SPRY4: variants seen among roughly 807,000 people sequenced by gnomAD.
The protein encoded by SPRY4 is sprouty RTK signaling antagonist 4, also known as protein sprouty homolog 4.
SPRY4 carries 7 observed loss-of-function variants against 17.0 expected under a neutral mutation model. That is an observed-to-expected ratio of 0.41 (90% confidence interval 0.23 to 0.77). The LOEUF is 0.77. Ranked by LOEUF, SPRY4 falls within the 30% of genes least tolerant of loss-of-function variation. SPRY4 has a pLI of 0.32. For missense variants in SPRY4, 435 were observed against 419.9 expected, an observed-to-expected ratio of 1.04 and a Z score of -0.31; for synonymous variants, 183 against 174.1, an observed-to-expected ratio of 1.05 and a Z score of -0.40.
chr5:142,314,148 T>C lies in SPRY4; in HGVS notation c.*61A>G. The C allele has an allele frequency of 6.6e-7, 1 of 1,524,838 alleles. No homozygotes were observed. Among genetic ancestry groups the C allele is most frequent in the Non-Finnish European group, 8.8e-7 (1 of 1,135,070 alleles). The allele number at this position is 1,524,838 out of a possible 1,614,324, so 94.5% of individuals were successfully genotyped here. On this transcript the variant is annotated 3_prime_UTR_variant, in exon 2 of 2. Transcript: ENST00000434127. The surrounding 1 kb of genome is among the most constrained non-coding windows in gnomAD (Gnocchi z 4.8). ...AAAACCTCTGACCTTGCTGCAGTCT[T>C]CTTAGATGTCAGAAGAGAACCAGGT...
intron 1 of SPRY4, chr5:142,318,032 G>C (rs1245076035): frequency 1.0e-6 from 1 of 985,188 alleles, no homozygotes; most frequent in African/African-American, 1.7e-5. Context: ...AACCAAATCA[G>C]AGTTCCACTG....
chr5:142,314,569 C>G lies in SPRY4; in HGVS notation c.540G>C (p.Trp180Cys). The G allele has an allele frequency of 6.2e-7, 1 of 1,614,232 alleles. No homozygotes were observed. Among genetic ancestry groups the G allele is most frequent in the Non-Finnish European group, 8.5e-7 (1 of 1,180,036 alleles). The change falls in exon 2 of 2, where the codon TGG (tryptophan) becomes TGC (cysteine). Residue 180 changes from tryptophan (W) to cysteine (C), a missense_variant. Coordinates refer to ENST00000434127, the MANE Select transcript of SPRY4 (RefSeq NM_001127496.3). This position sits in a 1 kb window ranked among gnomAD's most constrained non-coding sequence, Gnocchi z 4.8. The stretch of plus-strand genomic sequence containing the variant: ...AGCACAGGCACTCCTGGTTGCAGAC[C>G]CAGCAGGAAGGCAACGTCCGGGGGG... ...CASPRTLPSC[W>C]VCNQECLCSA...
chr5:142,315,122 C>T lies in SPRY4; in HGVS notation c.-14G>A. ...CGGGGGCTCCATGGGGCTGGAGGTC[C>T]TGGACTGTACGGAGAAACAGGCTTC... On this transcript the variant is annotated 5_prime_UTR_variant, in exon 2 of 2. Coordinates refer to ENST00000434127, the MANE Select transcript of SPRY4 (RefSeq NM_001127496.3). The T allele has an allele frequency of 6.2e-7, 1 of 1,605,192 alleles. No homozygotes were observed. Among genetic ancestry groups the T allele is most frequent in the Non-Finnish European group, 8.5e-7 (1 of 1,179,538 alleles).
At chr5:142,322,341 C>A (rs1185492544) in intron 1 of SPRY4, among the ~76,000 whole-genome samples, 1 of 151,906 alleles carries the variant, frequency 6.6e-6, no homozygotes, top group African/African-American at 2.4e-5. Context: ...TGTGGTGGCA[C>A]ACACCTGTAA....
Position 142,312,820 on chromosome 5 carries a change from G to A in SPRY4, c.*1389C>T, listed in dbSNP as rs1427742247. 6.5e-6 allele frequency: 1 copy of A among 152,698 alleles called. No individual in the cohort carries two copies. Among genetic ancestry groups the A allele is most frequent in the African/African-American group, 2.4e-5 (1 of 41,436 alleles). 9.5% of individuals were successfully genotyped at this position (152,698 alleles called of 1,614,324 possible). ...AGAGAAAGAGTTGCTACGTCTTTGA[G>A]GGCTGTCGGGAGAGGGTGGTGTGGC... On this transcript the variant is annotated 3_prime_UTR_variant, in exon 2 of 2. Transcript: ENST00000434127.
intron 1 of SPRY4, chr5:142,316,922 A>T (rs980488082): frequency 1.1e-6 from 1 of 895,534 alleles, no homozygotes; most frequent in Non-Finnish European, 1.3e-6. Flanking sequence ...ACTTAAAAGG[A>T]TGCTGGTATT....
Position 142,314,860 on chromosome 5 carries a change from C to T in SPRY4, c.249G>A (p.Gln83=). 3.1e-6 allele frequency: 5 copies of T among 1,591,820 alleles called. No individual in the cohort carries two copies. Among genetic ancestry groups the T allele is most frequent in the Non-Finnish European group, 4.3e-6 (5 of 1,166,862 alleles). The change falls in exon 2 of 2, where the codon CAG becomes CAA. Residue 83 remains glutamine, a synonymous_variant. Coordinates refer to ENST00000434127, the MANE Select transcript of SPRY4 (RefSeq NM_001127496.3). The surrounding 1 kb of genome is among the most constrained non-coding windows in gnomAD (Gnocchi z 4.8). ...AGGAGATCCAATGGTGGGTGACATCCTGGTCACAGCGGGCGGGCGTCGGGG... is the reference window on the plus strand; with the variant it reads ...AGGAGATCCAATGGTGGGTGACATCTTGGTCACAGCGGGCGGGCGTCGGGG... ...ELAPTPARCD[Q]DVTHHWISFS... is the part of the protein sequence containing the mutation.
intron 1 of SPRY4, among the ~76,000 whole-genome samples, chr5:142,322,501 T>TATAG (rs1759381099): frequency 6.7e-6 from 1 of 148,922 alleles, no homozygotes; most frequent in African/African-American, 2.5e-5. Flanking sequence ...TATATATATA[T>TATAG]AAATGAAAAC....
In SPRY4 at chr5:142,319,753, G is replaced by C. The variant is rs202113451; in HGVS notation, c.-47-4598C>G. 3.7e-5 allele frequency: 60 copies of C among 1,612,450 alleles called. No individual in the cohort carries two copies. Among genetic ancestry groups the C allele is most frequent in the Non-Finnish European group, 5.0e-5 (59 of 1,179,760 alleles). On this transcript the variant is annotated intron_variant, in intron 1 of 1. Coordinates refer to ENST00000434127, the MANE Select transcript of SPRY4 (RefSeq NM_001127496.3). ...CTCACTGCATTTGTACCTGTGGGGA[G>C]GGGGCTGAGCATCAGGCTGCAAACC...
intron 1 of SPRY4, among the ~76,000 whole-genome samples, chr5:142,320,770 A>G (rs558853762): frequency 3.5e-4 from 51 of 144,944 alleles, no homozygotes; most frequent in African/African-American, 1.2e-3. Flanking sequence ...CTAAGATCTT[A>G]TTATTTGTCT....
rs1759110810 is a variant in SPRY4, at chr5:142,315,223, C to T, written c.-47-68G>A. 1.0e-5 allele frequency: 11 copies of T among 1,049,732 alleles called. No homozygotes were observed. In the South Asian group the frequency reaches 1.7e-4, roughly 16 times the overall value. 65.0% of individuals were successfully genotyped at this position (1,049,732 alleles called of 1,614,324 possible). On this transcript the variant is annotated intron_variant, in intron 1 of 1. Transcript: ENST00000434127. ...GCATCAGTATGTGGCCTGCCAATACCTCACCCCCCATCAGGTCCTTGGGAG... is the reference window on the plus strand; with the variant it reads ...GCATCAGTATGTGGCCTGCCAATACTTCACCCCCCATCAGGTCCTTGGGAG...
rs771409068 is a variant in SPRY4, at chr5:142,314,223, C to T, written c.886G>A (p.Asp296Asn). 2.2e-5 allele frequency: 36 copies of T among 1,608,110 alleles called. 1 individual carries two copies. The South Asian group carries it at 3.1e-4, about 14-fold the overall frequency. Residue 296 changes from aspartate (D) to asparagine (N), a missense_variant, in exon 2 of 2, where the codon GAC becomes AAC. Asp to Asn is a conservative substitution (Grantham distance 23). Transcript: ENST00000434127. The surrounding 1 kb of genome is among the most constrained non-coding windows in gnomAD (Gnocchi z 4.8). ...ASGDAKTSRP[D>N]KPF ...GACACAAACTGTCAGAAAGGCTTGT[C>T]GGGCCTGCTGGTCTTGGCATCCCCG...
Position 142,314,491 on chromosome 5 carries a change from G to A in SPRY4, c.618C>T (p.Ile206=). The A allele has an allele frequency of 6.2e-7, 1 of 1,614,214 alleles. No homozygotes were observed. The highest frequency in any genetic ancestry group is 8.5e-7 in the Non-Finnish European group (1 of 1,180,036). ...CGTCCTCATTCGTGCAGTGGTAGAA[G>A]ATGCCCTGCACCAAACACATGCACG... ...YGTCMCLVQG[I]FYHCTNEDDE... Residue 206 remains isoleucine (I), a synonymous_variant, in exon 2 of 2, where the codon ATC becomes ATT. Transcript: ENST00000434127. This position sits in a 1 kb window ranked among gnomAD's most constrained non-coding sequence, Gnocchi z 4.8.
At chr5:142,318,017 G>C in intron 1 of SPRY4, 1 of 985,328 alleles carries the variant, frequency 1.0e-6, no homozygotes. Context: ...CACCAGCTCA[G>C]CAAAAACCAA....
In SPRY4 at chr5:142,311,564, TTTGTTGTTGTTG is replaced by T. The variant is rs68140442; in HGVS notation, c.*2633_*2644del. 3.1e-4 allele frequency: 46 copies of T among 150,776 alleles called. No individual in the cohort carries two copies. Among genetic ancestry groups the T allele is most frequent in the East Asian group, 1.6e-3 (8 of 4,986 alleles). The allele number at this position is 150,776 out of a possible 1,614,324, so 9.3% of individuals were successfully genotyped here. ...ACAGGCAAGCCAGTTTATCCTTCTG[TTTGTTGTTGTTG>T]TTGTTGTTGTTGTTGTTGTTTTAAT... On this transcript the variant is annotated 3_prime_UTR_variant, in exon 2 of 2. Transcript: ENST00000434127.
intron 1 of SPRY4, chr5:142,319,869 C>T: frequency 7.2e-7 from 1 of 1,397,376 alleles, no homozygotes. Context: ...CCCACACCCT[C>T]CCCTTGACTT....
Position 142,311,935 on chromosome 5 carries a change from G to GGTGGGTGTGTGTGTGTGTGTGT in SPRY4, c.*2273_*2274insACACACACACACACACACCCAC, listed in dbSNP as rs1554099213. On this transcript the variant is annotated 3_prime_UTR_variant, in exon 2 of 2. Coordinates refer to ENST00000434127, the MANE Select transcript of SPRY4 (RefSeq NM_001127496.3). ...CGGTAGACAGTCAGTGTGGGGTAGG[G>GGTGGGTGTGTGTGTGTGTGTGT]GTGTGTGTGTGTGTGTGTGTGTGTG... 3 of 140,384 alleles carry GGTGGGTGTGTGTGTGTGTGTGT rather than the reference G, an allele frequency of 2.1e-5. No individual in the cohort carries two copies. Among genetic ancestry groups the GGTGGGTGTGTGTGTGTGTGTGT allele is most frequent in the South Asian group, 2.4e-4 (1 of 4,242 alleles). 8.7% of individuals were successfully genotyped at this position (140,384 alleles called of 1,614,324 possible). A position where few individuals can be genotyped will look rare whatever the true frequency, so the allele number is the denominator to read the frequency against.
In SPRY4 at chr5:142,314,726, G is replaced by T. The variant is rs767606418; in HGVS notation, c.383C>A (p.Ala128Asp). ...PPVADQASPR[A>D]VRIQPKVVHC... is the part of the protein sequence containing the mutation. ...GACCACCTTGGGCTGGATGCGCACA[G>T]CCCTTGGTGAGGCCTGGTCAGCCAC... is the stretch of plus-strand genomic sequence containing the variant. The change falls in exon 2 of 2, where the codon GCT becomes GAT. Residue 128 changes from alanine (A) to aspartate (D), a missense_variant. Ala to Asp is a moderately radical substitution (Grantham distance 126). Coordinates refer to ENST00000434127, the MANE Select transcript of SPRY4 (RefSeq NM_001127496.3). This position sits in a 1 kb window ranked among gnomAD's most constrained non-coding sequence, Gnocchi z 4.8. 14 of 1,611,144 alleles carry T rather than the reference G, an allele frequency of 8.7e-6. No individual in the cohort carries two copies. The highest frequency in any genetic ancestry group is 1.2e-5 in the Non-Finnish European group (14 of 1,177,684).
chr5:142,319,542 A>AC lies in SPRY4; in HGVS notation c.-47-4388dup, dbSNP rs1282210512. On this transcript the variant is annotated intron_variant, in intron 1 of 1. Coordinates refer to ENST00000434127, the MANE Select transcript of SPRY4 (RefSeq NM_001127496.3). The stretch of plus-strand genomic sequence containing the variant: ...TACTCCTCCCCACCTATCAAGTTGA[A>AC]CTTAAGGGTCCCTAGGGTACCTTCA... 2.6e-5 allele frequency among the ~76,000 whole-genome samples: 4 copies of AC among 152,270 alleles called. No individual in the cohort carries two copies. In the East Asian group the frequency reaches 7.7e-4, roughly 29 times the overall value.
Sources: allele counts gnomAD v4.1 joint callset (sites outside exome capture counted in the v4.1 genomes callset), GRCh38; gene constraint gnomAD v4.1.1; non-coding constraint Gnocchi (gnomAD v3.1); transcripts MANE v1.5; gene names NCBI Gene and HGNC (gene_info 2026-07-23, HGNC 2026-07-21).